The following NEMP2 variants were observed in gnomAD, a reference collection of about 807,000 sequenced individuals.
The protein encoded by NEMP2 is UPF0571 transmembrane protein.
NEMP2 carries 53 observed loss-of-function variants against 54.2 expected under a neutral mutation model. The ratio of observed to expected loss-of-function variants is 0.98; its 90% CI spans 0.78 to 1.23. The LOEUF (loss-of-function observed/expected upper bound fraction) is 1.23, where lower values mean the gene tolerates loss of function less well. Among genes scored for constraint, NEMP2 ranks in the 50% most tolerant of loss-of-function variants. NEMP2 has a pLI of 0.00. For missense variants in NEMP2, 455 were observed against 511.3 expected, an observed-to-expected ratio of 0.89 and a Z score of 1.06; for synonymous variants, 197 against 190.3, an observed-to-expected ratio of 1.04 and a Z score of -0.29.
chr2:190,558,446 T>G, the NEMP2 span, among the ~76,000 whole-genome samples: 1 of 152,212 alleles, frequency 6.6e-6, no homozygotes, highest in African/African-American at 2.4e-5. This position sits in a 1 kb window ranked among gnomAD's most constrained non-coding sequence, Gnocchi z 4.4. Flanking sequence ...GTTGTGCACA[T>G]GTACCCCAGA....
At chr2:190,576,943 C>T in the NEMP2 span, among the ~76,000 whole-genome samples, 1 of 152,180 alleles carries the variant, frequency 6.6e-6, no homozygotes, top group Non-Finnish European at 1.5e-5. Flanking sequence ...ATTATAACTG[C>T]CTTGTTCTCA....
chr2:190,510,416 G>C lies in NEMP2; in HGVS notation c.1075C>G (p.Arg359Gly), dbSNP rs367843617. ...AGCCATGAGGGAAAGTCGGGTTTTC[G>C]GCAGGCCCGGCGTAGCTCCTCCAGA... ...SALEELRRAC[R>G]KPDFPSWLVV... The change falls in exon 8 of 9, where the codon CGA becomes GGA. Residue 359 changes from arginine (R) to glycine (G), a missense_variant. Coordinates refer to ENST00000409150, the MANE Select transcript of NEMP2 (RefSeq NM_001142645.2). The surrounding 1 kb of genome is among the most constrained non-coding windows in gnomAD (Gnocchi z 5.7). 4 of 1,551,548 alleles carry C rather than the reference G, an allele frequency of 2.6e-6. No individual in the cohort carries two copies. The highest frequency in any genetic ancestry group is 1.4e-5 in the African/African-American group (1 of 73,026).
At position 190,522,198 on chromosome 2, in the gene NEMP2, AAAC is replaced by A. The variant is rs1690775150; in HGVS notation, c.214-3018_214-3016del. 1.3e-5 allele frequency among the ~76,000 whole-genome samples: 2 copies of A among 152,140 alleles called. No individual in the cohort carries two copies. Among genetic ancestry groups the A allele is most frequent in the Admixed American group, 6.5e-5 (1 of 15,268 alleles). ...GATAATAACACAAACATAAAGATGG[AAAC>A]AACAGACAACTGGGGACTTCAGAAG... On this transcript the variant is annotated intron_variant, in intron 2 of 8. Coordinates refer to ENST00000409150, the MANE Select transcript of NEMP2 (RefSeq NM_001142645.2). The surrounding 1 kb of genome is among the most constrained non-coding windows in gnomAD (Gnocchi z 5.0).
In NEMP2 at chr2:190,506,263, A is replaced by C. The variant is rs963321990; in HGVS notation, c.*2926T>G. 3 of 152,198 alleles carry C rather than the reference A, an allele frequency of 2.0e-5. No homozygotes were observed. The highest frequency in any genetic ancestry group is 7.2e-5 in the African/African-American group (3 of 41,454). 9.4% of individuals were successfully genotyped at this position (152,198 alleles called of 1,614,324 possible). A position where few individuals can be genotyped will look rare whatever the true frequency, so the allele number is the denominator to read the frequency against. ...CAGAAGGCAGCTTGCTCCTGTTGTC[A>C]CCTAAAAGTACCTCTCTGTCTTCCT... is the stretch of plus-strand genomic sequence containing the variant. On this transcript the variant is annotated 3_prime_UTR_variant, in exon 9 of 9. Transcript: ENST00000409150. The surrounding 1 kb of genome is among the most constrained non-coding windows in gnomAD (Gnocchi z 6.3).
the NEMP2 span, among the ~76,000 whole-genome samples, chr2:190,598,620 T>G: frequency 6.6e-6 from 1 of 152,202 alleles, no homozygotes; most frequent in Non-Finnish European, 1.5e-5. Flanking sequence ...TGAAAATACA[T>G]TTTAGTGGAA....
the NEMP2 span, among the ~76,000 whole-genome samples, chr2:190,423,332 C>T: frequency 5.9e-5 from 9 of 152,188 alleles, no homozygotes; most frequent in Non-Finnish European, 1.2e-4. The surrounding 1 kb of genome is among the most constrained non-coding windows in gnomAD (Gnocchi z 4.3). Flanking sequence ...CTGTCTATCT[C>T]TATTTCAATG....
the NEMP2 span, among the ~76,000 whole-genome samples, chr2:190,587,812 G>A: frequency 9.9e-5 from 15 of 152,176 alleles, no homozygotes; most frequent in Non-Finnish European, 1.6e-4. This position sits in a 1 kb window ranked among gnomAD's most constrained non-coding sequence, Gnocchi z 5.4. Flanking sequence ...TGTTCAAATA[G>A]TGCGCTGCTT....
the NEMP2 span, among the ~76,000 whole-genome samples, chr2:190,566,848 G>A: frequency 6.6e-6 from 1 of 152,030 alleles, no homozygotes; most frequent in Non-Finnish European, 1.5e-5. Context: ...CAGATAACAG[G>A]TTTTCCATAC....
At chr2:190,451,846 G>C in the NEMP2 span, among the ~76,000 whole-genome samples, 1 of 152,228 alleles carries the variant, frequency 6.6e-6, no homozygotes, top group Non-Finnish European at 1.5e-5. This position sits in a 1 kb window ranked among gnomAD's most constrained non-coding sequence, Gnocchi z 5.0. Context: ...CTGAGTTTTA[G>C]CAGGAGGTGA....
At chr2:190,474,835 G>A in the NEMP2 span, among the ~76,000 whole-genome samples, 4 of 152,124 alleles carry the variant, frequency 2.6e-5, no homozygotes, top group East Asian at 1.9e-4. Flanking sequence ...CTGGCAAACC[G>A]AATCCAGCAG....
chr2:190,514,559 C>T lies in NEMP2; in HGVS notation c.847G>A (p.Val283Ile). 6.4e-7 allele frequency: 1 copy of T among 1,551,702 alleles called. No individual in the cohort carries two copies. Among genetic ancestry groups the T allele is most frequent in the Non-Finnish European group, 8.7e-7 (1 of 1,146,988 alleles). The change falls in exon 7 of 9, where the codon GTC (valine) becomes ATC (isoleucine). Residue 283 changes from valine (V) to isoleucine (I), a missense_variant. Val to Ile is a conservative substitution (Grantham distance 29, BLOSUM62 3). This residue lies in a region of NEMP2 where 294 missense variants were observed against 333.6 expected (regional missense o/e 0.88). Transcript: ENST00000409150. This position sits in a 1 kb window ranked among gnomAD's most constrained non-coding sequence, Gnocchi z 5.7. ...TGAGGCACGGCCACACCAGCATAGA[C>T]CAGAACCAGGGAGAGGAGTCGCAGC... ...WMLRLLSLVL[V>I]YAGVAVPQFA...
At chr2:190,476,602 G>T in the NEMP2 span, among the ~76,000 whole-genome samples, 1 of 152,192 alleles carries the variant, frequency 6.6e-6, no homozygotes, top group Non-Finnish European at 1.5e-5. Context: ...TTACACTGTT[G>T]GTGGGACTGT....
the NEMP2 span, among the ~76,000 whole-genome samples, chr2:190,584,895 C>CAAAAGAAAGAAAGAAAG: frequency 1.6e-5 from 1 of 62,730 alleles, no homozygotes; most frequent in African/African-American, 6.6e-5. The surrounding 1 kb of genome is among the most constrained non-coding windows in gnomAD (Gnocchi z 4.2). Context: ...CAAAAAACAA[C>CAAAAGAAAGAAAGAAAG]AATGAAAGAA....
the NEMP2 span, among the ~76,000 whole-genome samples, chr2:190,440,976 G>T: frequency 6.6e-6 from 1 of 152,152 alleles, no homozygotes; most frequent in Non-Finnish European, 1.5e-5. Context: ...ATGGGAGGTG[G>T]CACATGATAG....
chr2:190,442,106 A>G, the NEMP2 span, among the ~76,000 whole-genome samples: 5 of 152,236 alleles, frequency 3.3e-5, no homozygotes, highest in Non-Finnish European at 7.3e-5. Context: ...TCCTTAAGGG[A>G]GGATTAATTC....
At position 190,530,797 on chromosome 2, in the gene NEMP2, G is replaced by A. The variant is rs1691117927; in HGVS notation, c.97+3762C>T. 6.6e-6 allele frequency among the ~76,000 whole-genome samples: 1 copy of A among 152,172 alleles called. No homozygotes were observed. Among genetic ancestry groups the A allele is most frequent in the African/African-American group, 2.4e-5 (1 of 41,450 alleles). On this transcript the variant is annotated intron_variant, in intron 1 of 8. Coordinates refer to ENST00000409150, the MANE Select transcript of NEMP2 (RefSeq NM_001142645.2). The surrounding 1 kb of genome is among the most constrained non-coding windows in gnomAD (Gnocchi z 4.6). The stretch of plus-strand genomic sequence containing the variant: ...TCTGCGGGTTTCATTTATTCATGAG[G>A]CCCCAGTTATTGCTGGTTAATTCTA...
the NEMP2 span, among the ~76,000 whole-genome samples, chr2:190,560,470 T>C: frequency 6.0e-3 from 914 of 152,362 alleles, 13 homozygotes; most frequent in African/African-American, 0.021. The surrounding 1 kb of genome is among the most constrained non-coding windows in gnomAD (Gnocchi z 5.4). Flanking sequence ...TCATTTTATC[T>C]TTTTTAAAAT....
the NEMP2 span, among the ~76,000 whole-genome samples, chr2:190,573,731 T>C: frequency 6.6e-6 from 1 of 152,198 alleles, no homozygotes; most frequent in South Asian, 2.1e-4. Flanking sequence ...TTTCTCAAGA[T>C]TAATGAGATA....
the NEMP2 span, chr2:190,437,088 G>A: frequency 2.5e-6 from 4 of 1,614,230 alleles, no homozygotes; most frequent in Admixed American, 3.3e-5. The surrounding 1 kb of genome is among the most constrained non-coding windows in gnomAD (Gnocchi z 5.9). Flanking sequence ...ACATCGAAGT[G>A]CTCATCGATG....
Sources: allele counts gnomAD v4.1 joint callset (sites outside exome capture counted in the v4.1 genomes callset), GRCh38; gene constraint gnomAD v4.1.1; regional missense constraint gnomAD v4.1.1; non-coding constraint Gnocchi (gnomAD v3.1); transcripts MANE v1.5; gene names NCBI Gene and HGNC (gene_info 2026-07-23, HGNC 2026-07-21).